The following FXYD2 variants were observed in gnomAD, a reference collection of about 807,000 sequenced individuals.
FXYD2 encodes the protein sodium/potassium-transporting ATPase subunit gamma.
Under a neutral mutation model 11.8 loss-of-function variants are expected in FXYD2, and 8 were observed. The ratio of observed to expected loss-of-function variants is 0.68; its 90% CI spans 0.40 to 1.22. The LOEUF (loss-of-function observed/expected upper bound fraction) is 1.22. Among genes scored for constraint, FXYD2 ranks in the 50% most tolerant of loss-of-function variants. The probability of loss-of-function intolerance (pLI) is 0.01; values close to 1 mark genes in which losing one functional copy is unlikely to be tolerated. For missense variants in FXYD2, 92 were observed against 91.8 expected (o/e 1.00, Z -0.01); for synonymous variants, 42 against 33.3 (o/e 1.26, Z -0.90).
upstream of FXYD2, chr11:117,827,956 G>T: frequency 1.5e-6 from 2 of 1,347,922 alleles, no homozygotes; most frequent in Non-Finnish European, 2.1e-6. Flanking sequence ...CTGTGTTAGA[G>T]CCTGAGCAGG....
chr11:117,822,507 G>C lies in FXYD2; in HGVS notation c.65-27C>G. ...TCCGGAAAGAGAGGGCAAGAGGAGC[G>C]GGATGGGTGGTCTCTCCCAGCAGCT... On this transcript the variant is annotated intron_variant, in intron 2 of 5. Coordinates refer to ENST00000292079, the MANE Select transcript of FXYD2 (RefSeq NM_001680.5). The surrounding 1 kb of genome is among the most constrained non-coding windows in gnomAD (Gnocchi z 4.7). 1 of 1,556,614 alleles carries C rather than the reference G, an allele frequency of 6.4e-7. No individual in the cohort carries two copies. The highest frequency in any genetic ancestry group is 8.7e-7 in the Non-Finnish European group (1 of 1,149,422).
chr11:117,823,165 C>T (rs1035787333), intron 1 of FXYD2, among the ~76,000 whole-genome samples: 4 of 152,144 alleles, frequency 2.6e-5, no homozygotes, highest in South Asian at 2.1e-4. Context: ...AGGAGGAAGC[C>T]GAGCCCAATG....
chr11:117,821,501 G>T (rs1591533084), intron 3 of FXYD2: 1 of 986,274 alleles, frequency 1.0e-6, no homozygotes, highest in African/African-American at 1.7e-5. Context: ...CCATCATGGT[G>T]CCCCCAGCAC....
intron 3 of FXYD2, chr11:117,821,918 C>A (rs2055914757): frequency 9.8e-7 from 1 of 1,025,104 alleles, no homozygotes; most frequent in Non-Finnish European, 1.2e-6. Context: ...TTATTAAGCT[C>A]CTGCTGTGTG....
chr11:117,823,410 G>GT (rs2055958985), intron 1 of FXYD2, among the ~76,000 whole-genome samples: 1 of 152,254 alleles, frequency 6.6e-6, no homozygotes, highest in Non-Finnish European at 1.5e-5. Flanking sequence ...TTCCCCCACA[G>GT]TTATACAGCA....
chr11:117,820,672 T>G lies in FXYD2; in HGVS notation c.201A>C (p.Ter67TyrextTer32). 1 of 1,613,988 alleles carries G rather than the reference T, an allele frequency of 6.2e-7. No individual in the cohort carries two copies. Among genetic ancestry groups the G allele is most frequent in the Non-Finnish European group, 8.5e-7 (1 of 1,179,940 alleles). ...KRRQINEDEP[*>Y] Reference sequence around the variant, plus strand: ...CCAGGCCCTCCTAGCATACCTGCTGTTACGGCTCATCTTCATTGATTTGCC... The same window carrying G: ...CCAGGCCCTCCTAGCATACCTGCTGGTACGGCTCATCTTCATTGATTTGCC... Residue 67 changes from the stop codon to tyrosine (Y), a stop_lost, in exon 5 of 6, where the codon TAA becomes TAC. Transcript: ENST00000292079.
Position 117,822,627 on chromosome 11 carries a change from G to C in FXYD2, c.64+52C>G. The C allele has an allele frequency of 6.3e-7, 1 of 1,598,216 alleles. No homozygotes were observed. The highest frequency in any genetic ancestry group is 8.5e-7 in the Non-Finnish European group (1 of 1,173,750). On this transcript the variant is annotated intron_variant, in intron 2 of 5. Transcript: ENST00000292079. This position sits in a 1 kb window ranked among gnomAD's most constrained non-coding sequence, Gnocchi z 4.7. Reference sequence around the variant, plus strand: ...CTGGGGCTGGGAGAGGCCGCTGCTTGGTGGAAGGGGTCCTGAGGGCTCAGG... The same window carrying C: ...CTGGGGCTGGGAGAGGCCGCTGCTTCGTGGAAGGGGTCCTGAGGGCTCAGG...
upstream of FXYD2, chr11:117,827,951 T>A: frequency 7.6e-7 from 1 of 1,315,642 alleles, no homozygotes; most frequent in Non-Finnish European, 1.1e-6. Flanking sequence ...GGCACCTGTG[T>A]TAGAGCCTGA....
rs2055920313 is a variant in FXYD2, at chr11:117,822,141, T to G, written c.139+265A>C. The G allele has an allele frequency of 2.2e-6, 3 of 1,393,314 alleles. No homozygotes were observed. Among genetic ancestry groups the G allele is most frequent in the Non-Finnish European group, 2.8e-6 (3 of 1,071,860 alleles). The allele number at this position is 1,393,314 out of a possible 1,614,324, so 86.3% of individuals were successfully genotyped here. A position where few individuals can be genotyped will look rare whatever the true frequency, so the allele number is the denominator to read the frequency against. Reference sequence around the variant, plus strand: ...TAGTCCCCCTGTCTGGCCCTCCGGTTACCCAGTTACCCCGTGGGTTTGCTC... The same window carrying G: ...TAGTCCCCCTGTCTGGCCCTCCGGTGACCCAGTTACCCCGTGGGTTTGCTC... On this transcript the variant is annotated intron_variant, in intron 3 of 5. Coordinates refer to ENST00000292079, the MANE Select transcript of FXYD2 (RefSeq NM_001680.5). This position sits in a 1 kb window ranked among gnomAD's most constrained non-coding sequence, Gnocchi z 4.7.
At chr11:117,820,764 C>A (rs2055880598) in intron 4 of FXYD2, 68 bp from the exon 5 acceptor site, 1 of 1,612,582 alleles carries the variant, frequency 6.2e-7, no homozygotes, top group Admixed American at 1.7e-5. Flanking sequence ...ATCTCTGAGG[C>A]TGGGGATCCT....
upstream of FXYD2, among the ~76,000 whole-genome samples, chr11:117,825,854 C>T (rs2056025351): frequency 6.6e-6 from 1 of 152,186 alleles, no homozygotes; most frequent in Non-Finnish European, 1.5e-5. Flanking sequence ...GGCCAGCGGA[C>T]AGCAGGGGAG....
At chr11:117,821,893 C>T (rs2055914166) in intron 3 of FXYD2, 1 of 1,008,052 alleles carries the variant, frequency 9.9e-7, no homozygotes, top group South Asian at 4.2e-5. Flanking sequence ...TGGACCAAAA[C>T]AAGTCAATGT....
At chr11:117,824,890 G>A, upstream of FXYD2, 1 of 673,674 alleles carries the variant, frequency 1.5e-6, no homozygotes, top group Non-Finnish European at 2.7e-6. This position sits in a 1 kb window ranked among gnomAD's most constrained non-coding sequence, Gnocchi z 4.0. Context: ...GGGAGGCAGG[G>A]GCAGGGAGGA....
upstream of FXYD2, chr11:117,824,877 G>T: frequency 1.4e-6 from 1 of 701,090 alleles, no homozygotes; most frequent in Non-Finnish European, 2.5e-6. This position sits in a 1 kb window ranked among gnomAD's most constrained non-coding sequence, Gnocchi z 4.0. Flanking sequence ...GAGGACGTGC[G>T]TGGGGAGGCA....
At position 117,822,728 on chromosome 11, in the gene FXYD2, G is replaced by A. The variant is rs149796718; in HGVS notation, c.26-11C>T. 197 of 1,608,272 alleles carry A rather than the reference G, an allele frequency of 1.2e-4. No homozygotes were observed. The African/African-American group carries it at 2.2e-3, about 18-fold the overall frequency. On this transcript the variant is annotated splice_polypyrimidine_tract_variant and intron_variant, in intron 1 of 5. Transcript: ENST00000292079. The surrounding 1 kb of genome is among the most constrained non-coding windows in gnomAD (Gnocchi z 4.7). ...CCTTGGGGCTGCCGCCTAGGAGAGA[G>A]CCAGAGGTGGGATGAGAGGAGTCAC...
upstream of FXYD2, among the ~76,000 whole-genome samples, chr11:117,827,770 T>C (rs1335827913): frequency 6.6e-6 from 1 of 152,202 alleles, no homozygotes; most frequent in Non-Finnish European, 1.5e-5. Flanking sequence ...AATGAGGCAG[T>C]TGGACAGCTG....
Position 117,822,935 on chromosome 11 carries a change from C to T in FXYD2, c.26-218G>A, listed in dbSNP as rs1276839961. ...AACTGGGGACCAAATACCGAGTGTC[C>T]GAGGGGGATCCGTGCTGTCTGGGGG... On this transcript the variant is annotated intron_variant, in intron 1 of 5. Coordinates refer to ENST00000292079, the MANE Select transcript of FXYD2 (RefSeq NM_001680.5). The surrounding 1 kb of genome is among the most constrained non-coding windows in gnomAD (Gnocchi z 4.7). 6.6e-6 allele frequency among the ~76,000 whole-genome samples: 1 copy of T among 152,018 alleles called. No individual in the cohort carries two copies. Among genetic ancestry groups the T allele is most frequent in the Non-Finnish European group, 1.5e-5 (1 of 68,002 alleles).
intron 1 of FXYD2, among the ~76,000 whole-genome samples, chr11:117,823,785 T>C (rs908983067): frequency 9.2e-5 from 14 of 152,194 alleles, no homozygotes; most frequent in African/African-American, 3.4e-4. Context: ...TGTGCCAAAC[T>C]GTGCCCCTGA....
chr11:117,820,393 T>A, intron 5 of FXYD2, 21 bp from the exon 6 acceptor site: 1 of 528,328 alleles, frequency 1.9e-6, no homozygotes, highest in Non-Finnish European at 3.3e-6. Flanking sequence ...AAAGGCAGGA[T>A]GGGGTTGGGT....
Sources: gnomAD v4.1 joint callset for allele counts (sites outside exome capture counted in the v4.1 genomes callset) on GRCh38, gnomAD v4.1.1 for gene constraint, Gnocchi (gnomAD v3.1) non-coding constraint, MANE v1.5 for transcripts, NCBI Gene and HGNC (gene_info 2026-07-23, HGNC 2026-07-21) for gene names.